The following SORCS2 variants were observed in gnomAD, a reference collection of about 807,000 sequenced individuals.
SORCS2 encodes sortilin related VPS10 domain containing receptor 2, also known as VPS10 domain-containing receptor SorCS2.
In SORCS2, 100 loss-of-function variants were observed where a neutral mutation model predicts 141.6. The observed-to-expected ratio is 0.71, with a 90% CI of 0.60 to 0.83. The LOEUF is 0.83. Ranked by LOEUF, SORCS2 falls within the 40% of genes least tolerant of loss-of-function variation. SORCS2 has a pLI of 0.00. For missense variants in SORCS2, 1,646 were observed against 1,560.2 expected (o/e 1.05, Z -0.93); for synonymous variants, 789 against 676.9 (o/e 1.17, Z -2.57).
At chr4:7,297,743 A>G (rs1481462433) in intron 1 of SORCS2, among the ~76,000 whole-genome samples, 1 of 152,214 alleles carries the variant, frequency 6.6e-6, no homozygotes, top group East Asian at 1.9e-4. Context: ...TCCAGGAGCA[A>G]GGCTGGCTCA....
intron 1 of SORCS2, among the ~76,000 whole-genome samples, chr4:7,280,117 G>C (rs554822305): frequency 6.6e-6 from 1 of 152,220 alleles, no homozygotes; most frequent in African/African-American, 2.4e-5. Context: ...TTTTTGGGTG[G>C]CATGACTCAT....
chr4:7,737,036 C>G, intron 25 of SORCS2, 33 bp from the exon 26 acceptor site: 1 of 1,549,662 alleles, frequency 6.5e-7, no homozygotes, highest in Non-Finnish European at 8.7e-7. Flanking sequence ...GGAAGCCCCT[C>G]CAAGCTGAGC....
chr4:7,251,428 A>G (rs539412145), intron 1 of SORCS2, among the ~76,000 whole-genome samples: 23 of 152,352 alleles, frequency 1.5e-4, no homozygotes, highest in South Asian at 4.1e-4. Context: ...CACCTTGTCC[A>G]GTTGTTAGAA....
At chr4:7,553,534 A>C (rs1272856639) in intron 3 of SORCS2, among the ~76,000 whole-genome samples, 3 of 152,358 alleles carry the variant, frequency 2.0e-5, no homozygotes, top group Non-Finnish European at 2.9e-5. Context: ...GCAGAACATC[A>C]TGAACTGTAT....
chr4:7,574,423 T>G (rs1217871562), intron 3 of SORCS2, among the ~76,000 whole-genome samples: 2 of 152,214 alleles, frequency 1.3e-5, no homozygotes, highest in Non-Finnish European at 2.9e-5. Flanking sequence ...TAGAGAGTGA[T>G]GACGTGTTCT....
chr4:7,446,014 T>TC (rs397709133), intron 2 of SORCS2, among the ~76,000 whole-genome samples: 16 of 151,782 alleles, frequency 1.1e-4, no homozygotes, highest in South Asian at 4.2e-4. Flanking sequence ...TTCTTTTTTT[T>TC]CCTTCCTTCT....
chr4:7,524,162 C>A (rs1733515509), intron 2 of SORCS2, among the ~76,000 whole-genome samples: 1 of 152,174 alleles, frequency 6.6e-6, no homozygotes. Flanking sequence ...CTATTGGGTC[C>A]AGGGCCTTTG....
chr4:7,591,902 G>A (rs998235897), intron 3 of SORCS2, among the ~76,000 whole-genome samples: 7 of 152,126 alleles, frequency 4.6e-5, no homozygotes, highest in Non-Finnish European at 1.0e-4. Flanking sequence ...GTGCTTGTGT[G>A]TCAGCCTCCA....
intron 23 of SORCS2, among the ~76,000 whole-genome samples, chr4:7,730,482 G>C (rs1463463888): frequency 2.0e-5 from 3 of 152,202 alleles, no homozygotes; most frequent in African/African-American, 7.2e-5. Flanking sequence ...ACTCATCGTA[G>C]CCAAAAAGTG....
chr4:7,324,317 TGGA>T (rs1033318725), intron 1 of SORCS2, among the ~76,000 whole-genome samples: 6 of 152,146 alleles, frequency 3.9e-5, no homozygotes, highest in African/African-American at 1.2e-4. Context: ...GGGCTGCAGT[TGGA>T]GGAGGAATTT....
chr4:7,220,895 A>G (rs766902492), intron 1 of SORCS2, among the ~76,000 whole-genome samples: 5 of 152,220 alleles, frequency 3.3e-5, no homozygotes, highest in Non-Finnish European at 5.9e-5. Context: ...CCATAGAAAG[A>G]ACATGATTAA....
At chr4:7,250,007 C>T (rs35527867) in intron 1 of SORCS2, among the ~76,000 whole-genome samples, 8,326 of 152,064 alleles carry the variant, frequency 0.055, 759 homozygotes, top group African/African-American at 0.19. Context: ...TTTGGGAGGC[C>T]GAGGCGGGTG....
chr4:7,648,006 A>T lies in SORCS2; in HGVS notation c.814-6128A>T, dbSNP rs1457617913. ...ATCGCTGAAGTTTCCGAGATGGGAG[A>T]CTAGGGGAGGCAGGAGCAGCCGAGG... is the stretch of plus-strand genomic sequence containing the variant. On this transcript the variant is annotated intron_variant, in intron 4 of 26. Coordinates refer to ENST00000507866, the MANE Select transcript of SORCS2 (RefSeq NM_020777.3). The surrounding 1 kb of genome is among the most constrained non-coding windows in gnomAD (Gnocchi z 4.2). Among the ~76,000 whole-genome samples the T allele has an allele frequency of 6.6e-6, 1 of 151,974 alleles. No individual in the cohort carries two copies. The highest frequency in any genetic ancestry group is 1.5e-5 in the Non-Finnish European group (1 of 68,008).
intron 2 of SORCS2, among the ~76,000 whole-genome samples, chr4:7,494,583 T>TGGG (rs1225709986): frequency 6.6e-6 from 1 of 152,158 alleles, no homozygotes; most frequent in Non-Finnish European, 1.5e-5. Context: ...ACCAGGGCCC[T>TGGG]ACCCTCATGA....
At chr4:7,395,654 G>A (rs1011727736) in intron 1 of SORCS2, among the ~76,000 whole-genome samples, 4 of 9,022 alleles carry the variant, frequency 4.4e-4, no homozygotes, top group Non-Finnish European at 2.6e-3. Flanking sequence ...AAACAGCGTG[G>A]TCAGGTGGGC....
chr4:7,405,247 G>T (rs1353955172), intron 2 of SORCS2, among the ~76,000 whole-genome samples: 1 of 152,080 alleles, frequency 6.6e-6, no homozygotes, highest in African/African-American at 2.4e-5. Context: ...TGCTGTTTTA[G>T]TCACTGTAGC....
intron 1 of SORCS2, among the ~76,000 whole-genome samples, chr4:7,305,002 G>A (rs1287672797): frequency 2.6e-5 from 4 of 151,490 alleles, no homozygotes; most frequent in Non-Finnish European, 5.9e-5. Flanking sequence ...CTCCAGAGTC[G>A]TTCCTTACTC....
intron 1 of SORCS2, among the ~76,000 whole-genome samples, chr4:7,260,149 G>A (rs1217745171): frequency 1.3e-5 from 2 of 152,208 alleles, no homozygotes; most frequent in Non-Finnish European, 1.5e-5. Flanking sequence ...CCCATGTGTG[G>A]GAACTTTTCT....
chr4:7,555,737 C>A (rs1236524654), intron 3 of SORCS2, among the ~76,000 whole-genome samples: 1 of 152,180 alleles, frequency 6.6e-6, no homozygotes, highest in Non-Finnish European at 1.5e-5. Context: ...AGAAGGGGAT[C>A]ATGGGGGATT....
Sources: gnomAD v4.1 joint callset for allele counts (sites outside exome capture counted in the v4.1 genomes callset) on GRCh38, gnomAD v4.1.1 for gene constraint, Gnocchi (gnomAD v3.1) non-coding constraint, MANE v1.5 for transcripts, NCBI Gene and HGNC (gene_info 2026-07-23, HGNC 2026-07-21) for gene names.